The following FAM72C variants were observed in gnomAD, a reference collection of about 807,000 sequenced individuals.
FAM72C encodes protein FAM72C.
In FAM72C, 1 loss-of-function variant was observed where a neutral mutation model predicts 5.2. The ratio of observed to expected loss-of-function variants is 0.19; its 90% confidence interval spans 0.07 to 0.91. The LOEUF is 0.91. Among genes scored for constraint, FAM72C ranks in the 40% least tolerant of loss-of-function variants. The pLI, the probability that FAM72C is intolerant of heterozygous loss-of-function variation, is 0.66. For synonymous variants in FAM72C, 1 was observed against 21.8 expected, an observed-to-expected ratio of 0.05 and a Z score of 2.66; for missense variants, 4 against 66.0, an observed-to-expected ratio of 0.06 and a Z score of 3.25.
At chr1:143,967,477 TAAAA>T (rs1210312748) in intron 2 of FAM72C, among the ~76,000 whole-genome samples, 1 of 119,250 alleles carries the variant, frequency 8.4e-6, no homozygotes. Context: ...AACTCCGTCT[TAAAA>T]AAAAAAAAAA....
chr1:143,959,141 G>T (rs1344730707), intron 3 of FAM72C, among the ~76,000 whole-genome samples: 2 of 139,128 alleles, frequency 1.4e-5, no homozygotes, highest in Admixed American at 1.4e-4. Context: ...AAGGGAGGAA[G>T]GAAATCCTGT....
chr1:143,960,419 A>AC (rs1661577586), intron 3 of FAM72C, among the ~76,000 whole-genome samples: 1 of 113,250 alleles, frequency 8.8e-6, no homozygotes, highest in Non-Finnish European at 1.8e-5. Context: ...AAAAAAAAAA[A>AC]AAAAAAAGGT....
rs1661809423 is a variant in FAM72C, at chr1:143,967,518, C to T, written c.230+1406G>A. 1.4e-5 allele frequency among the ~76,000 whole-genome samples: 2 copies of T among 139,074 alleles called. 1 individual carries two copies. The highest frequency in any genetic ancestry group is 3.1e-5 in the Non-Finnish European group (2 of 63,526). 91.2% of individuals were successfully genotyped at this position (139,074 alleles called of 152,430 possible). On this transcript the variant is annotated intron_variant, in intron 2 of 3. Coordinates refer to ENST00000584486, the MANE Select transcript of FAM72C (RefSeq NM_001287385.2). ...AGAAAAGAAAGAAGAAAATAATGTC[C>T]AAAGGCCAGTGACTTCATCTAGTTT... is the stretch of plus-strand genomic sequence containing the variant.
chr1:143,963,899 C>T (rs1553518066), intron 3 of FAM72C, among the ~76,000 whole-genome samples: 1 of 120,854 alleles, frequency 8.3e-6, no homozygotes, highest in African/African-American at 3.2e-5. Context: ...CTCACTGCAG[C>T]CTCTACCTCC....
intron 3 of FAM72C, among the ~76,000 whole-genome samples, chr1:143,960,331 G>A (rs1489129129): frequency 3.8e-4 from 30 of 79,764 alleles, no homozygotes; most frequent in Non-Finnish European, 2.0e-4. Flanking sequence ...ACTTGAACCC[G>A]GGAGGTGGAG....
At chr1:143,965,949 G>C in intron 2 of FAM72C, among the ~76,000 whole-genome samples, 1 of 110,726 alleles carries the variant, frequency 9.0e-6, no homozygotes, top group Non-Finnish European at 1.9e-5. Flanking sequence ...TAAATAGAGT[G>C]AACCTACAGG....
intron 3 of FAM72C, among the ~76,000 whole-genome samples, chr1:143,962,242 A>G (rs1661663026): frequency 6.9e-6 from 1 of 144,224 alleles, no homozygotes; most frequent in Admixed American, 7.0e-5. Flanking sequence ...TCGAACTCCC[A>G]ACCTCAGGTG....
chr1:143,959,169 G>T (rs2101687104), intron 3 of FAM72C, among the ~76,000 whole-genome samples: 1 of 138,996 alleles, frequency 7.2e-6, no homozygotes, highest in South Asian at 2.3e-4. Flanking sequence ...GTTTCTTATG[G>T]ATTAGATTCA....
At chr1:143,960,672 G>T (rs1285885173) in intron 3 of FAM72C, among the ~76,000 whole-genome samples, 20 of 116,826 alleles carry the variant, frequency 1.7e-4, no homozygotes, top group African/African-American at 6.3e-4. Flanking sequence ...CATGAGCCAA[G>T]ATGACACCAT....
chr1:143,963,611 AATCTTTTGTGAAAGGAAGAGTCAATCC>A (rs1383399677), intron 3 of FAM72C, among the ~76,000 whole-genome samples: 1 of 141,442 alleles, frequency 7.1e-6, no homozygotes, highest in African/African-American at 2.6e-5. Context: ...GCTACAGAGA[AATCTTTTGTGAAAGGAAGAGTCAATCC>A]ATGCGGCAAA....
intron 2 of FAM72C, among the ~76,000 whole-genome samples, chr1:143,967,208 T>G (rs1464462985): frequency 1.4e-5 from 2 of 145,656 alleles, no homozygotes; most frequent in Non-Finnish European, 3.0e-5. Context: ...CTGGGTGCGG[T>G]GGCTCACGCC....
At chr1:143,960,834 T>TA (rs1198130409) in intron 3 of FAM72C, among the ~76,000 whole-genome samples, 22 of 135,724 alleles carry the variant, frequency 1.6e-4, no homozygotes, top group African/African-American at 6.0e-4. Flanking sequence ...CTAAAATATT[T>TA]TTTTTTTTTT....
intron 3 of FAM72C, among the ~76,000 whole-genome samples, chr1:143,963,800 G>GT (rs1424325694): frequency 7.1e-6 from 1 of 140,342 alleles, no homozygotes; most frequent in Non-Finnish European, 1.6e-5. Context: ...ATCATTAGCA[G>GT]TTTTTAGCAA....
At chr1:143,962,107 C>T (rs1345618600) in intron 3 of FAM72C, among the ~76,000 whole-genome samples, 3 of 135,594 alleles carry the variant, frequency 2.2e-5, no homozygotes, top group Admixed American at 7.4e-5. Flanking sequence ...CTCCGCCTCC[C>T]GGGTTCAAGC....
intron 3 of FAM72C, among the ~76,000 whole-genome samples, chr1:143,960,542 A>T (rs1291022304): frequency 7.1e-6 from 1 of 141,546 alleles, no homozygotes; most frequent in Non-Finnish European, 1.6e-5. Flanking sequence ...AGCCTGACCA[A>T]CATGGTGAAA....
Position 143,965,415 on chromosome 1 carries a change from C to T in FAM72C, c.231-436G>A, listed in dbSNP as rs1246805935. On this transcript the variant is annotated intron_variant, in intron 2 of 3. Coordinates refer to ENST00000584486, the MANE Select transcript of FAM72C (RefSeq NM_001287385.2). ...TTTACCATGTTGGCCAGGCTGGTCTCGAACTCCTGACCTCAGGTGATCCAC... is the reference window on the plus strand; with the variant it reads ...TTTACCATGTTGGCCAGGCTGGTCTTGAACTCCTGACCTCAGGTGATCCAC... Among the ~76,000 whole-genome samples the T allele has an allele frequency of 9.6e-5, 10 of 104,712 alleles. 3 individuals are homozygous for T. The highest frequency in any genetic ancestry group is 1.4e-4 in the Non-Finnish European group (7 of 50,260). The allele number at this position is 104,712 out of a possible 152,430, so 68.7% of individuals were successfully genotyped here.
At chr1:143,960,773 C>A (rs1570988663) in intron 3 of FAM72C, among the ~76,000 whole-genome samples, 7 of 130,852 alleles carry the variant, frequency 5.3e-5, no homozygotes, top group African/African-American at 1.2e-4. Flanking sequence ...CACCTTAACA[C>A]AAGGAAAAAG....
intron 3 of FAM72C, among the ~76,000 whole-genome samples, chr1:143,960,685 C>A (rs1553517789): frequency 8.6e-6 from 1 of 116,460 alleles, no homozygotes; most frequent in African/African-American, 3.4e-5. Context: ...GACACCATTG[C>A]ACATCAGCCT....
chr1:143,967,159 T>C (rs1378073026), intron 2 of FAM72C, among the ~76,000 whole-genome samples: 1 of 144,022 alleles, frequency 6.9e-6, no homozygotes, highest in African/African-American at 2.6e-5. Flanking sequence ...CATGGCGAAA[T>C]CCCGTCTCTA....
Sources: gnomAD v4.1 joint callset for allele counts (sites outside exome capture counted in the v4.1 genomes callset) on GRCh38, gnomAD v4.1.1 for gene constraint, MANE v1.5 for transcripts, NCBI Gene and HGNC (gene_info 2026-07-23, HGNC 2026-07-21) for gene names.